BEAN1: variants seen among roughly 807,000 people sequenced by gnomAD.
The protein encoded by BEAN1 is protein BEAN1.
BEAN1 carries 17 observed loss-of-function variants against 17.7 expected under a neutral mutation model. The observed-to-expected ratio is 0.96, with a 90% CI of 0.66 to 1.44. The LOEUF (loss-of-function observed/expected upper bound fraction) is 1.44, where lower values mean the gene tolerates loss of function less well. Among genes scored for constraint, BEAN1 ranks in the 40% most tolerant of loss-of-function variants. The pLI is 0.00. For missense variants in BEAN1, 359 were observed against 374.1 expected (o/e 0.96, Z 0.33); for synonymous variants, 142 against 151.8 (o/e 0.94, Z 0.47).
At chr16:66,480,557 G>T in intron 4 of BEAN1, 29 bp from the exon 5 acceptor site, 1 of 1,482,542 alleles carries the variant, frequency 6.7e-7, no homozygotes, top group Non-Finnish European at 9.1e-7. Context: ...GGCCTAGGTG[G>T]GGCACTGAGG....
intron 2 of BEAN1, among the ~76,000 whole-genome samples, chr16:66,461,035 G>A (rs983895467): frequency 6.6e-6 from 1 of 152,164 alleles, no homozygotes; most frequent in Admixed American, 6.5e-5. Flanking sequence ...GGCATTGGGG[G>A]GGAGGTGGTA....
At chr16:66,480,481 T>TC in intron 4 of BEAN1, 105 bp from the exon 5 acceptor site, 1 of 942,364 alleles carries the variant, frequency 1.1e-6, no homozygotes, top group Non-Finnish European at 1.5e-6. Context: ...CCCACCCTGG[T>TC]CCACAGCCAG....
chr16:66,465,200 T>A (rs1378507454), intron 2 of BEAN1, among the ~76,000 whole-genome samples: 1 of 152,246 alleles, frequency 6.6e-6, no homozygotes, highest in African/African-American at 2.4e-5. Flanking sequence ...ATTAATTGAT[T>A]TTTTGGATGT....
chr16:66,472,340 C>T (rs1431044428), intron 3 of BEAN1, among the ~76,000 whole-genome samples: 2 of 152,232 alleles, frequency 1.3e-5, no homozygotes, highest in African/African-American at 2.4e-5. Flanking sequence ...CTGGAGGAAG[C>T]GCTCCATGGG....
At chr16:66,494,184 G>C (rs1396078531), downstream of BEAN1, among the ~76,000 whole-genome samples, 1 of 152,240 alleles carries the variant, frequency 6.6e-6, no homozygotes, top group African/African-American at 2.4e-5. Context: ...GGAGGTGACT[G>C]CTGGGAGAGG....
intron 2 of BEAN1, among the ~76,000 whole-genome samples, chr16:66,452,346 T>C (rs1425373942): frequency 6.6e-6 from 1 of 152,256 alleles, no homozygotes; most frequent in African/African-American, 2.4e-5. Context: ...AATGCCCTTG[T>C]AAATTCTGGG....
At chr16:66,490,847 C>G (rs956931336) in intron 4 of BEAN1, among the ~76,000 whole-genome samples, 2 of 152,222 alleles carry the variant, frequency 1.3e-5, no homozygotes, top group Non-Finnish European at 2.9e-5. Context: ...CCAATCTCAG[C>G]TTTTCAGAGT....
chr16:66,485,315 C>T (rs1964073411), downstream of BEAN1: 1 of 359,426 alleles, frequency 2.8e-6, no homozygotes, highest in Admixed American at 3.6e-5. Flanking sequence ...ACACTAGTGC[C>T]CTTCTCACTT....
chr16:66,457,075 G>A (rs906984447), intron 2 of BEAN1, among the ~76,000 whole-genome samples: 1 of 152,204 alleles, frequency 6.6e-6, no homozygotes, highest in African/African-American at 2.4e-5. Flanking sequence ...CAGTGCCAGG[G>A]CAGCTGTGTG....
At chr16:66,435,550 T>C (rs1259721297) in intron 1 of BEAN1, among the ~76,000 whole-genome samples, 3 of 152,110 alleles carry the variant, frequency 2.0e-5, no homozygotes, top group Non-Finnish European at 4.4e-5. Context: ...TGCAGTGGCA[T>C]GATCTCGGCT....
intron 2 of BEAN1, among the ~76,000 whole-genome samples, chr16:66,462,866 C>T (rs1477787946): frequency 6.6e-6 from 1 of 150,780 alleles, no homozygotes. Flanking sequence ...ATGAGGTGGA[C>T]AGGGAATCCA....
At position 66,480,891 on chromosome 16, in the gene BEAN1, G is replaced by A. The variant is rs549207242; in HGVS notation, c.746G>A (p.Arg249Gln). The A allele has an allele frequency of 6.3e-5, 92 of 1,465,926 alleles. No individual in the cohort carries two copies. In the South Asian group the frequency reaches 9.8e-4, roughly 16 times the overall value. 90.8% of individuals were successfully genotyped at this position (1,465,926 alleles called of 1,614,324 possible). The change falls in exon 5 of 5, where the codon CGG becomes CAG. Residue 249 changes from arginine to glutamine, a missense_variant. Physicochemically the swap from Arg to Gln is conservative, Grantham distance 43. Coordinates refer to ENST00000536005, the MANE Select transcript of BEAN1 (RefSeq NM_001178020.3). ...RGSQGSPTPT[R>Q]APASGPERIV ...TCCCAGGGCTCACCCACCCCAACCC[G>A]GGCCCCAGCCTCTGGCCCAGAGAGG...
intron 3 of BEAN1, among the ~76,000 whole-genome samples, chr16:66,470,214 G>GGATA (rs1963430686): frequency 6.6e-6 from 1 of 151,726 alleles, no homozygotes; most frequent in Admixed American, 6.6e-5. Flanking sequence ...ATGGATGGAT[G>GGATA]GATGGTTGGG....
chr16:66,456,237 C>G (rs574232544), intron 2 of BEAN1, among the ~76,000 whole-genome samples: 2 of 152,152 alleles, frequency 1.3e-5, no homozygotes, highest in African/African-American at 4.8e-5. Context: ...GATGAAAATT[C>G]GCAGCATTCA....
intron 2 of BEAN1, among the ~76,000 whole-genome samples, chr16:66,457,569 C>A (rs1962920120): frequency 6.6e-6 from 1 of 152,172 alleles, no homozygotes; most frequent in Non-Finnish European, 1.5e-5. Context: ...CAGCTGCCAT[C>A]AAGGTGACAT....
Position 66,427,881 on chromosome 16 carries a change from A to G in BEAN1, c.-83+450A>G, listed in dbSNP as rs1379036649. ...GCACTCTCGGTCGGGGTGGGAGAGG[A>G]AAGGGGCTGGGGCTTCACGGAGTTT... On this transcript the variant is annotated intron_variant, in intron 1 of 4. Coordinates refer to ENST00000536005, the MANE Select transcript of BEAN1 (RefSeq NM_001178020.3). This position sits in a 1 kb window ranked among gnomAD's most constrained non-coding sequence, Gnocchi z 4.7. The G allele has an allele frequency of 6.6e-6, 1 of 152,098 alleles. No homozygotes were observed. The highest frequency in any genetic ancestry group is 1.5e-5 in the Non-Finnish European group (1 of 68,074). The allele number at this position is 152,098 out of a possible 1,614,324, so 9.4% of individuals were successfully genotyped here.
chr16:66,479,335 G>A (rs1338374060), intron 4 of BEAN1, among the ~76,000 whole-genome samples: 1 of 152,072 alleles, frequency 6.6e-6, no homozygotes, highest in Non-Finnish European at 1.5e-5. Flanking sequence ...GGGGTGCCTG[G>A]GAGCCAACTT....
chr16:66,488,518 CAAAAAAAAA>C (rs35976761), intron 4 of BEAN1, among the ~76,000 whole-genome samples: 597 of 49,264 alleles, frequency 0.012, 4 homozygotes, highest in Middle Eastern at 0.061. Flanking sequence ...TTATCACTAC[CAAAAAAAAA>C]AAAAAAAAAA....
chr16:66,477,148 C>G (rs1034982488), intron 3 of BEAN1, among the ~76,000 whole-genome samples: 3 of 152,168 alleles, frequency 2.0e-5, no homozygotes, highest in Non-Finnish European at 2.9e-5. Context: ...CCCTCTTCCC[C>G]TGGTTAAATC....
Sources: gnomAD v4.1 joint callset for allele counts (sites outside exome capture counted in the v4.1 genomes callset) on GRCh38, gnomAD v4.1.1 for gene constraint, Gnocchi (gnomAD v3.1) non-coding constraint, MANE v1.5 for transcripts, NCBI Gene and HGNC (gene_info 2026-07-23, HGNC 2026-07-21) for gene names.